Variants in RAB38 observed in about 807,000 individuals in gnomAD.
RAB38 encodes ras-related protein Rab-38.
RAB38 carries 15 observed loss-of-function variants against 18.4 expected under a neutral mutation model. The observed-to-expected ratio is 0.82, with a 90% CI of 0.55 to 1.26. The LOEUF is 1.26. RAB38 is among the 50% of genes most tolerant of loss of function. The pLI, the probability that RAB38 is intolerant of heterozygous loss-of-function variation, is 0.00. For missense variants in RAB38, 294 were observed against 267.4 expected (o/e 1.10, Z -0.69); for synonymous variants, 101 against 104.4 (o/e 0.97, Z 0.20).
chr11:87,947,900 C>A, the RAB38 span, among the ~76,000 whole-genome samples: 2 of 152,144 alleles, frequency 1.3e-5, no homozygotes, highest in East Asian at 3.9e-4. Flanking sequence ...TCCATATGAA[C>A]TCTAAAGTAG....
At chr11:87,973,519 C>T in the RAB38 span, among the ~76,000 whole-genome samples, 73 of 151,980 alleles carry the variant, frequency 4.8e-4, no homozygotes, top group Non-Finnish European at 2.6e-4. Context: ...CCCCTGTCTA[C>T]GGTGCTGGAG....
chr11:88,054,356 A>G, the RAB38 span, among the ~76,000 whole-genome samples: 5 of 152,184 alleles, frequency 3.3e-5, no homozygotes, highest in Admixed American at 2.0e-4. Context: ...TTTTATGTAT[A>G]AGATGGAAAA....
intron 2 of RAB38, among the ~76,000 whole-genome samples, chr11:88,122,969 G>A (rs1942648531): frequency 6.6e-6 from 1 of 152,156 alleles, no homozygotes; most frequent in African/African-American, 2.4e-5. Context: ...AAAAGCCTGA[G>A]CCTCTACTCC....
chr11:87,853,276 G>T, the RAB38 span, among the ~76,000 whole-genome samples: 11 of 152,290 alleles, frequency 7.2e-5, no homozygotes, highest in Admixed American at 2.6e-4. Flanking sequence ...ATGGTATGTA[G>T]AGGTGGAGCC....
the RAB38 span, among the ~76,000 whole-genome samples, chr11:87,861,309 A>G: frequency 3.9e-5 from 6 of 151,982 alleles, no homozygotes; most frequent in Non-Finnish European, 8.8e-5. Context: ...ATGGGTGCCA[A>G]AATGGTTTCA....
chr11:87,881,961 T>C, the RAB38 span, among the ~76,000 whole-genome samples: 1 of 151,774 alleles, frequency 6.6e-6, no homozygotes, highest in South Asian at 2.1e-4. Context: ...CATTCTTCCT[T>C]TCCTGCCACA....
chr11:87,974,686 T>G, the RAB38 span, among the ~76,000 whole-genome samples: 1 of 150,424 alleles, frequency 6.6e-6, no homozygotes, highest in African/African-American at 2.5e-5. Flanking sequence ...GATTTTTTTT[T>G]AATCTGCTGA....
chr11:88,147,045 G>A (rs1293020216), intron 2 of RAB38, among the ~76,000 whole-genome samples: 1 of 152,164 alleles, frequency 6.6e-6, no homozygotes, highest in East Asian at 1.9e-4. Context: ...GTCAGAGTGA[G>A]GTGAAAAATG....
At chr11:87,913,846 G>A in the RAB38 span, among the ~76,000 whole-genome samples, 1 of 152,042 alleles carries the variant, frequency 6.6e-6, no homozygotes, top group Non-Finnish European at 1.5e-5. Context: ...AGCCCCTTCT[G>A]TGTGACACTC....
rs1443950580 is a variant in RAB38 at position 88,175,258 on chromosome 11, C to G, written c.127G>C (p.Gly43Arg). The G allele has an allele frequency of 1.2e-6, 2 of 1,614,150 alleles. No homozygotes were observed. The highest frequency in any genetic ancestry group is 1.7e-6 in the Non-Finnish European group (2 of 1,180,016). Residue 43 changes from glycine (G) to arginine (R), a missense_variant, in exon 1 of 3, where the codon GGC becomes CGC. Transcript: ENST00000243662. ...AGCACCTTGAGCGCGAAGTCCACGC[C>G]GATTGTGGCCCGGTAGTGCGAAGAG... ...NFSSHYRATI[G>R]VDFALKVLHW... is the part of the protein sequence containing the mutation.
At chr11:88,109,319 T>C (rs774852087), downstream of RAB38, among the ~76,000 whole-genome samples, 2 of 152,190 alleles carry the variant, frequency 1.3e-5, no homozygotes, top group African/African-American at 2.4e-5. Flanking sequence ...GCTAGCCACA[T>C]GCAGAAAACT....
At chr11:87,842,862 A>G in the RAB38 span, among the ~76,000 whole-genome samples, 28 of 152,168 alleles carry the variant, frequency 1.8e-4, no homozygotes, top group African/African-American at 6.5e-4. Flanking sequence ...CTTTTTATAA[A>G]AAATGTTTGA....
chr11:88,030,775 T>G, the RAB38 span, among the ~76,000 whole-genome samples: 1 of 152,186 alleles, frequency 6.6e-6, no homozygotes. Flanking sequence ...CAAGATGGAT[T>G]CACAGCCCAA....
intron 2 of RAB38, among the ~76,000 whole-genome samples, chr11:88,141,462 A>C (rs1227180209): frequency 6.6e-6 from 1 of 152,188 alleles, no homozygotes; most frequent in Admixed American, 6.5e-5. Context: ...GAAAAACCCT[A>C]CGCCTTATAT....
chr11:87,856,412 C>T, the RAB38 span, among the ~76,000 whole-genome samples: 2 of 152,150 alleles, frequency 1.3e-5, no homozygotes, highest in Non-Finnish European at 2.9e-5. Context: ...TCCCAGCTAA[C>T]GCACATTGGA....
At chr11:88,033,183 C>T in the RAB38 span, among the ~76,000 whole-genome samples, 1 of 151,440 alleles carries the variant, frequency 6.6e-6, no homozygotes, top group African/African-American at 2.4e-5. Context: ...ACAATGAGAA[C>T]ACATGGACAC....
chr11:87,842,239 A>G, the RAB38 span, among the ~76,000 whole-genome samples: 2 of 152,212 alleles, frequency 1.3e-5, no homozygotes, highest in African/African-American at 4.8e-5. Flanking sequence ...AGGCCACAAC[A>G]CTAGTGAAGG....
At chr11:87,896,991 T>G in the RAB38 span, among the ~76,000 whole-genome samples, 1 of 151,726 alleles carries the variant, frequency 6.6e-6, no homozygotes. Flanking sequence ...CATTTTTCAC[T>G]AAAGCCAATC....
the RAB38 span, among the ~76,000 whole-genome samples, chr11:88,094,607 G>T: frequency 6.6e-6 from 1 of 151,614 alleles, no homozygotes; most frequent in Admixed American, 6.6e-5. Flanking sequence ...TTTTACATGT[G>T]TCCTCATATC....
Sources: allele counts gnomAD v4.1 joint callset (sites outside exome capture counted in the v4.1 genomes callset), GRCh38; gene constraint gnomAD v4.1.1; transcripts MANE v1.5; gene names NCBI Gene and HGNC (gene_info 2026-07-23, HGNC 2026-07-21).